Variants in ADCY9 observed in about 807,000 individuals in gnomAD.
ADCY9 encodes the protein adenylate cyclase type 9.
A neutral mutation model predicts 101.5 loss-of-function variants in ADCY9; 50 were observed. The observed-to-expected ratio is 0.49, with a 90% CI of 0.39 to 0.62. ADCY9 has a LOEUF of 0.62. Ranked by LOEUF, ADCY9 falls within the 20% of genes least tolerant of loss-of-function variation. The pLI is 0.00. For missense variants in ADCY9, 1,662 were observed against 1,800.4 expected (o/e 0.92, Z 1.39); for synonymous variants, 905 against 769.3 (o/e 1.18, Z -2.92).
intron 2 of ADCY9, among the ~76,000 whole-genome samples, chr16:4,078,195 A>G (rs2056879948): frequency 6.6e-6 from 1 of 152,142 alleles, no homozygotes. Context: ...GTTCACAGCA[A>G]CTCTATTCAT....
chr16:4,087,589 G>C (rs1286205401), intron 2 of ADCY9, among the ~76,000 whole-genome samples: 1 of 151,080 alleles, frequency 6.6e-6, no homozygotes, highest in Non-Finnish European at 1.5e-5. Flanking sequence ...CTAAGAGTTT[G>C]GCAGAGTTTA....
At chr16:4,078,672 G>A (rs954097397) in intron 2 of ADCY9, among the ~76,000 whole-genome samples, 3 of 151,704 alleles carry the variant, frequency 2.0e-5, no homozygotes, top group Non-Finnish European at 4.4e-5. Context: ...ACTAAAGGTA[G>A]AAACCATAAA....
At chr16:4,061,173 A>G (rs2056771542) in intron 2 of ADCY9, among the ~76,000 whole-genome samples, 1 of 152,042 alleles carries the variant, frequency 6.6e-6, no homozygotes, top group South Asian at 2.1e-4. Context: ...AAGAAGAAAT[A>G]AAAAAGCATA....
At chr16:4,016,806 T>C (rs978232962) in intron 2 of ADCY9, among the ~76,000 whole-genome samples, 1 of 151,946 alleles carries the variant, frequency 6.6e-6, no homozygotes, top group African/African-American at 2.4e-5. Flanking sequence ...AGCAGATGAG[T>C]GGCTGCCATG....
At chr16:4,025,149 G>C (rs1445691188) in intron 2 of ADCY9, among the ~76,000 whole-genome samples, 2 of 152,132 alleles carry the variant, frequency 1.3e-5, no homozygotes, top group African/African-American at 4.8e-5. Flanking sequence ...GATCACCTGA[G>C]CTCAGGAGTT....
At chr16:4,084,328 T>A (rs1314357171) in intron 2 of ADCY9, among the ~76,000 whole-genome samples, 1 of 151,754 alleles carries the variant, frequency 6.6e-6, no homozygotes, top group Non-Finnish European at 1.5e-5. Flanking sequence ...GCCAGGCTGG[T>A]CTCGAACTCC....
chr16:4,022,741 C>T (rs1413911611), intron 2 of ADCY9, among the ~76,000 whole-genome samples: 3 of 152,128 alleles, frequency 2.0e-5, no homozygotes, highest in Non-Finnish European at 4.4e-5. Context: ...CCTCAGTGAG[C>T]TGTGACTGCA....
chr16:4,069,939 T>C (rs1053844862), intron 2 of ADCY9, among the ~76,000 whole-genome samples: 1 of 151,938 alleles, frequency 6.6e-6, no homozygotes, highest in Non-Finnish European at 1.5e-5. Context: ...CTACTAAAAG[T>C]ACAAAAAAAT....
chr16:4,001,949 A>G (rs2056334224), intron 3 of ADCY9, among the ~76,000 whole-genome samples: 1 of 152,058 alleles, frequency 6.6e-6, no homozygotes, highest in Non-Finnish European at 1.5e-5. Context: ...GGGTTTCACC[A>G]TGTTGGCCAG....
At chr16:4,010,388 C>T (rs529205933) in intron 2 of ADCY9, among the ~76,000 whole-genome samples, 8 of 152,346 alleles carry the variant, frequency 5.3e-5, no homozygotes, top group East Asian at 3.9e-4. Context: ...GCGCTCAGCA[C>T]GGCAGTCCAC....
chr16:4,029,236 G>A (rs992457270), intron 2 of ADCY9, among the ~76,000 whole-genome samples: 10 of 152,100 alleles, frequency 6.6e-5, no homozygotes, highest in African/African-American at 2.4e-4. Context: ...GACCTCAGAA[G>A]TAGAGAAATA....
chr16:4,007,426 G>A lies in ADCY9; in HGVS notation c.1826C>T (p.Ala609Val), dbSNP rs150452337. 1.8e-5 allele frequency: 29 copies of A among 1,612,046 alleles called. No homozygotes were observed. Among genetic ancestry groups the A allele is most frequent in the East Asian group, 2.2e-5 (1 of 44,846 alleles). Residue 609 changes from alanine to valine, a missense_variant, in exon 3 of 11, where the codon GCG becomes GTG. Ala to Val is a moderately conservative substitution (Grantham distance 64). Coordinates refer to ENST00000294016, the MANE Select transcript of ADCY9 (RefSeq NM_001116.4). ...CAAGTCACTGACATTCCCTGATGAC[G>A]CTGTCCCCTGTCCCCTAGGGCCTGA... Reference protein sequence around the residue: ...VSSGPRGQGTASSGNVSDLAQ... With the variant: ...VSSGPRGQGTVSSGNVSDLAQ...
intron 3 of ADCY9, among the ~76,000 whole-genome samples, chr16:3,995,106 T>C (rs1567429305): frequency 6.6e-6 from 1 of 152,178 alleles, no homozygotes; most frequent in Non-Finnish European, 1.5e-5. Context: ...AGTTCCCTCA[T>C]CTATAAACAA....
chr16:4,035,448 C>A (rs1173517419), intron 2 of ADCY9, among the ~76,000 whole-genome samples: 1 of 152,066 alleles, frequency 6.6e-6, no homozygotes, highest in African/African-American at 2.4e-5. Flanking sequence ...AGTGTAATTG[C>A]CATACAGAGT....
intron 10 of ADCY9, among the ~76,000 whole-genome samples, chr16:3,969,088 T>A (rs1205496759): frequency 6.6e-6 from 1 of 152,032 alleles, no homozygotes; most frequent in Non-Finnish European, 1.5e-5. Context: ...CCTCCCAAAG[T>A]GCTGGGATCA....
chr16:4,091,199 G>A (rs770301520), intron 2 of ADCY9, among the ~76,000 whole-genome samples: 6 of 151,978 alleles, frequency 3.9e-5, no homozygotes, highest in Non-Finnish European at 7.4e-5. Flanking sequence ...TCAGCCTCCC[G>A]AGTAGCTGGG....
At position 3,993,422 on chromosome 16, in the gene ADCY9, T is replaced by C; in HGVS notation, c.1973A>G (p.His658Arg). 6.2e-7 allele frequency: 1 copy of C among 1,614,158 alleles called. No individual in the cohort carries two copies. Residue 658 changes from histidine to arginine, a missense_variant, in exon 4 of 11, where the codon CAT (histidine) becomes CGT (arginine). His to Arg is a conservative substitution (Grantham distance 29). Around this residue, in one of 5 missense-constraint regions of ADCY9, gnomAD observed 624 missense variants for 639.1 expected, o/e 0.98. Coordinates refer to ENST00000294016, the MANE Select transcript of ADCY9 (RefSeq NM_001116.4). ...GAPQNGCQDE[H>R]KNSTKASGGP... ...GCTTGTTACCTTGGTGCTGTTTTTATGCTCGTCTTGGCAGCCGTTTTGAGG... is the reference window on the plus strand; with the variant it reads ...GCTTGTTACCTTGGTGCTGTTTTTACGCTCGTCTTGGCAGCCGTTTTGAGG...
intron 2 of ADCY9, among the ~76,000 whole-genome samples, chr16:4,024,785 T>C (rs1416972898): frequency 1.3e-5 from 2 of 152,100 alleles, no homozygotes; most frequent in Non-Finnish European, 2.9e-5. Flanking sequence ...CTTCAGTACG[T>C]GGACGGATGA....
Position 3,974,706 on chromosome 16 carries a change from C to A in ADCY9, c.2833G>T (p.Val945Leu), listed in dbSNP as rs200807161. ...LYVSLCPDSS[V>L]LTSPLDAVQN... is the part of the protein sequence containing the mutation. Reference sequence around the variant, plus strand: ...ACTGCGTCAAGGGGCGAAGTTAATACAGAACTGAAATTAAAATGCAGAAAA... The same window carrying A: ...ACTGCGTCAAGGGGCGAAGTTAATAAAGAACTGAAATTAAAATGCAGAAAA... Residue 945 changes from valine to leucine, a missense_variant, in exon 10 of 11, where the codon GTA becomes TTA. By Grantham distance (32) the Val-to-Leu change is conservative. Coordinates refer to ENST00000294016, the MANE Select transcript of ADCY9 (RefSeq NM_001116.4). 6.2e-7 allele frequency: 1 copy of A among 1,612,414 alleles called. No homozygotes were observed. Among genetic ancestry groups the A allele is most frequent in the Non-Finnish European group, 8.5e-7 (1 of 1,178,676 alleles).
Sources: allele counts gnomAD v4.1 joint callset (sites outside exome capture counted in the v4.1 genomes callset), GRCh38; gene constraint gnomAD v4.1.1; regional missense constraint gnomAD v4.1.1; transcripts MANE v1.5; gene names NCBI Gene and HGNC (gene_info 2026-07-23, HGNC 2026-07-21).